JMJD1C: variants seen among roughly 807,000 people sequenced by gnomAD.
The protein encoded by JMJD1C is jumonji domain containing 1C.
In JMJD1C, 31 loss-of-function variants were observed where a neutral mutation model predicts 245.3. That is an observed-to-expected ratio of 0.13 (90% CI 0.09 to 0.17). The LOEUF (loss-of-function observed/expected upper bound fraction) is 0.17, where lower values mean the gene tolerates loss of function less well. Ranked by LOEUF, JMJD1C falls within the 10% of genes least tolerant of loss-of-function variation. JMJD1C has a pLI of 1.00. For synonymous variants in JMJD1C, 1,057 were observed against 1,017.4 expected, an observed-to-expected ratio of 1.04 and a Z score of -0.74; for missense variants, 2,691 against 3,000.2, an observed-to-expected ratio of 0.90 and a Z score of 2.41.
intron 2 of JMJD1C, among the ~76,000 whole-genome samples, chr10:63,326,735 C>T (rs931114191): frequency 6.6e-6 from 1 of 152,102 alleles, no homozygotes; most frequent in African/African-American, 2.4e-5. Context: ...CAAAATCAGC[C>T]TAGCGTGGTG....
At chr10:63,387,629 A>ATTAT (rs1554915200) in intron 1 of JMJD1C, among the ~76,000 whole-genome samples, 2 of 37,840 alleles carry the variant, frequency 5.3e-5, no homozygotes, top group African/African-American at 2.4e-4. Flanking sequence ...GAAAAAAAAA[A>ATTAT]TTTTTTTTTT....
At chr10:63,507,937 G>A (rs1954771640) in intron 1 of JMJD1C, among the ~76,000 whole-genome samples, 1 of 152,020 alleles carries the variant, frequency 6.6e-6, no homozygotes, top group Non-Finnish European at 1.5e-5. Flanking sequence ...TCTTACTGTT[G>A]ACGTTGAAGA....
chr10:63,402,877 T>C (rs369259828), intron 1 of JMJD1C, among the ~76,000 whole-genome samples: 61 of 152,322 alleles, frequency 4.0e-4, no homozygotes, highest in African/African-American at 1.3e-3. Context: ...CTAAACTCTT[T>C]ATGCTAGTTA....
chr10:63,271,423 C>G (rs530770590), intron 2 of JMJD1C, among the ~76,000 whole-genome samples: 1 of 152,072 alleles, frequency 6.6e-6, no homozygotes. Flanking sequence ...AATGATCCAC[C>G]GATCTCAGCC....
chr10:63,511,370 C>T (rs1016106711), intron 1 of JMJD1C, among the ~76,000 whole-genome samples: 1 of 152,156 alleles, frequency 6.6e-6, no homozygotes, highest in African/African-American at 2.4e-5. Flanking sequence ...GTTTGAACTG[C>T]ATGGGTCCTC....
chr10:63,229,637 T>C (rs1204778057), intron 3 of JMJD1C, among the ~76,000 whole-genome samples: 3 of 152,198 alleles, frequency 2.0e-5, no homozygotes, highest in Non-Finnish European at 4.4e-5. Context: ...TTTTCATTTA[T>C]TGTAACTGGA....
At chr10:63,348,144 T>C (rs1295357361) in intron 2 of JMJD1C, among the ~76,000 whole-genome samples, 2 of 149,798 alleles carry the variant, frequency 1.3e-5, no homozygotes, top group African/African-American at 4.9e-5. Flanking sequence ...AGGCAGAGGT[T>C]GCAGTGAGCT....
chr10:63,421,656 T>C (rs1000839435), intron 1 of JMJD1C, among the ~76,000 whole-genome samples: 1 of 152,204 alleles, frequency 6.6e-6, no homozygotes, highest in East Asian at 1.9e-4. Flanking sequence ...TATTTGCAGA[T>C]AGGACCTTTA....
intron 3 of JMJD1C, among the ~76,000 whole-genome samples, chr10:63,226,777 G>T (rs1303918738): frequency 6.6e-6 from 1 of 150,602 alleles, no homozygotes; most frequent in Non-Finnish European, 1.5e-5. Flanking sequence ...CTGAAATCAG[G>T]CCGGGTGTGG....
At chr10:63,519,332 A>G (rs1955129760) in intron 1 of JMJD1C, among the ~76,000 whole-genome samples, 1 of 152,248 alleles carries the variant, frequency 6.6e-6, no homozygotes, top group Non-Finnish European at 1.5e-5. Flanking sequence ...ATTCACAATG[A>G]TGACCTCCAA....
intron 2 of JMJD1C, among the ~76,000 whole-genome samples, chr10:63,290,048 C>G (rs1858458150): frequency 6.6e-6 from 1 of 151,740 alleles, no homozygotes; most frequent in African/African-American, 2.4e-5. Flanking sequence ...ATAAACAGGA[C>G]AATTCTTTGA....
chr10:63,267,182 AC>A (rs1347715597), intron 2 of JMJD1C, among the ~76,000 whole-genome samples: 1 of 152,186 alleles, frequency 6.6e-6, no homozygotes, highest in East Asian at 1.9e-4. Flanking sequence ...GCTGATAAAT[AC>A]TTTTATAGTA....
At chr10:63,497,515 T>C (rs575054418) in intron 1 of JMJD1C, among the ~76,000 whole-genome samples, 7 of 152,320 alleles carry the variant, frequency 4.6e-5, no homozygotes, top group African/African-American at 1.7e-4. Context: ...GGGAAGTGAC[T>C]GCTAAAAGAC....
At chr10:63,345,669 A>T (rs1943754207) in intron 2 of JMJD1C, among the ~76,000 whole-genome samples, 2 of 152,156 alleles carry the variant, frequency 1.3e-5, no homozygotes, top group Admixed American at 6.6e-5. Flanking sequence ...GAGTAGGGAG[A>T]CAACTACAAG....
chr10:63,323,731 A>G (rs1941186945), intron 2 of JMJD1C, among the ~76,000 whole-genome samples: 1 of 152,196 alleles, frequency 6.6e-6, no homozygotes, highest in African/African-American at 2.4e-5. Context: ...CATTCTCTCA[A>G]TCTTCAAATG....
At chr10:63,396,876 T>C (rs1362466710) in intron 1 of JMJD1C, among the ~76,000 whole-genome samples, 1 of 151,264 alleles carries the variant, frequency 6.6e-6, no homozygotes, top group Non-Finnish European at 1.5e-5. Context: ...CATAGAAATT[T>C]TCATTTTTTA....
chr10:63,172,881 AG>A (rs941635023), intron 24 of JMJD1C, among the ~76,000 whole-genome samples: 6 of 146,242 alleles, frequency 4.1e-5, no homozygotes, highest in Non-Finnish European at 7.5e-5. Context: ...ATGGCTAGAG[AG>A]GAACTAGGAG....
chr10:63,475,394 T>A (rs955004368), intron 1 of JMJD1C, among the ~76,000 whole-genome samples: 3 of 152,240 alleles, frequency 2.0e-5, no homozygotes, highest in African/African-American at 7.2e-5. Context: ...TCTAATTCCA[T>A]GAAAATAGTT....
At chr10:63,241,060 A>C (rs1851417542) in intron 3 of JMJD1C, among the ~76,000 whole-genome samples, 1 of 152,178 alleles carries the variant, frequency 6.6e-6, no homozygotes, top group African/African-American at 2.4e-5. Flanking sequence ...GGTATTATAA[A>C]ACATAAGTAC....
Sources: gnomAD v4.1 joint callset for allele counts (sites outside exome capture counted in the v4.1 genomes callset) on GRCh38, gnomAD v4.1.1 for gene constraint, MANE v1.5 for transcripts, NCBI Gene and HGNC (gene_info 2026-07-23, HGNC 2026-07-21) for gene names.